The following ADGRD1 variants were observed in gnomAD, a reference collection of about 807,000 sequenced individuals.
The protein encoded by ADGRD1 is adhesion G protein-coupled receptor D1.
In ADGRD1, 77 loss-of-function variants were observed where a neutral mutation model predicts 113.4. The ratio of observed to expected loss-of-function variants is 0.68; its 90% CI spans 0.57 to 0.82. The LOEUF (loss-of-function observed/expected upper bound fraction) is 0.82, where lower values mean the gene tolerates loss of function less well. ADGRD1 is among the 40% of genes least tolerant of loss of function. The pLI is 0.00. For synonymous variants in ADGRD1, 474 were observed against 475.0 expected, an observed-to-expected ratio of 1.00 and a Z score of 0.03; for missense variants, 1,036 against 1,139.1, an observed-to-expected ratio of 0.91 and a Z score of 1.30.
At chr12:131,123,932 C>T (rs576870445) in intron 20 of ADGRD1, among the ~76,000 whole-genome samples, 1 of 152,310 alleles carries the variant, frequency 6.6e-6, no homozygotes, top group East Asian at 1.9e-4. Flanking sequence ...CACACAGCCA[C>T]GTCCATTGAT....
At chr12:131,025,455 G>A (rs1043110684) in intron 13 of ADGRD1, 3 of 152,164 alleles carry the variant, frequency 2.0e-5, no homozygotes, top group Admixed American at 6.5e-5. Flanking sequence ...CCCCCACATC[G>A]TTGTCAGGGA....
At chr12:131,005,946 C>A (rs377314715) in intron 11 of ADGRD1, 26 bp from the exon 12 acceptor site, 1 of 1,594,536 alleles carries the variant, frequency 6.3e-7, no homozygotes, top group Non-Finnish European at 8.6e-7. Context: ...GCGCTGACAG[C>A]GCCTGCCCCT....
intron 13 of ADGRD1, chr12:131,070,529 G>A (rs1387184338): frequency 5.1e-6 from 1 of 197,662 alleles, no homozygotes; most frequent in Non-Finnish European, 1.1e-5. Context: ...GGAGCCCCTG[G>A]GGCTTCTGTA....
rs1364696672 is a variant in ADGRD1 at position 131,113,993 on chromosome 12, G to A, written c.2042-4392G>A. Among the ~76,000 whole-genome samples, 1 of 152,008 alleles carries A rather than the reference G, an allele frequency of 6.6e-6. No homozygotes were observed. Among genetic ancestry groups the A allele is most frequent in the Non-Finnish European group, 1.5e-5 (1 of 68,020 alleles). On this transcript the variant is annotated intron_variant, in intron 18 of 24. Transcript: ENST00000261654. This position sits in a 1 kb window ranked among gnomAD's most constrained non-coding sequence, Gnocchi z 4.9. ...TAGAGGCATACGTGCATGTGTGCACGCACACACACGCACACACACTCACAC... is the reference window on the plus strand; with the variant it reads ...TAGAGGCATACGTGCATGTGTGCACACACACACACGCACACACACTCACAC...
chr12:131,121,077 G>A (rs144894387), intron 20 of ADGRD1, among the ~76,000 whole-genome samples, 164 bp downstream of exon 20: 17 of 152,190 alleles, frequency 1.1e-4, no homozygotes, highest in African/African-American at 3.9e-4. Context: ...AGTGACTGAG[G>A]GTCTTATTTC....
intron 9 of ADGRD1, among the ~76,000 whole-genome samples, chr12:131,001,509 A>G (rs1338577350): frequency 6.6e-6 from 1 of 152,206 alleles, no homozygotes; most frequent in Non-Finnish European, 1.5e-5. Flanking sequence ...TAATTATGTC[A>G]ATAACACTTT....
At chr12:131,067,143 C>T (rs768245170) in intron 13 of ADGRD1, among the ~76,000 whole-genome samples, 1 of 152,110 alleles carries the variant, frequency 6.6e-6, no homozygotes, top group Non-Finnish European at 1.5e-5. Flanking sequence ...AGAGTGGCCA[C>T]TAACTGACAA....
intron 20 of ADGRD1, among the ~76,000 whole-genome samples, chr12:131,131,287 C>T (rs60024901): frequency 0.045 from 6,849 of 152,230 alleles, 482 homozygotes; most frequent in African/African-American, 0.16. Context: ...TGGGCCGGGG[C>T]GGGAGATGAG....
At chr12:131,074,962 GC>G (rs1259503210) in intron 13 of ADGRD1, among the ~76,000 whole-genome samples, 1 of 152,170 alleles carries the variant, frequency 6.6e-6, no homozygotes, top group Admixed American at 6.5e-5. Flanking sequence ...ACTTCCAGAG[GC>G]CACAGCAGCC....
chr12:131,005,026 G>T (rs544117463), intron 11 of ADGRD1, among the ~76,000 whole-genome samples: 1 of 152,150 alleles, frequency 6.6e-6, no homozygotes, highest in Non-Finnish European at 1.5e-5. Context: ...CAGAGGCCAC[G>T]CCCCCTTCCC....
At chr12:131,100,430 G>A (rs1950042826) in intron 15 of ADGRD1, among the ~76,000 whole-genome samples, 1 of 151,758 alleles carries the variant, frequency 6.6e-6, no homozygotes, top group Non-Finnish European at 1.5e-5. Flanking sequence ...GTTGATGGTG[G>A]AGTTGGTTGA....
Position 131,137,023 on chromosome 12 carries a change from G to T in ADGRD1, c.2436+9G>T. On this transcript the variant is annotated intron_variant, in intron 23 of 24. Transcript: ENST00000261654. The stretch of plus-strand genomic sequence containing the variant: ...GTCTCCTGAATTCAGAGGTACGTCC[G>T]CTCTGCTTGCTGGCAGGTGCAGGTG... 1 of 1,608,202 alleles carries T rather than the reference G, an allele frequency of 6.2e-7. No individual in the cohort carries two copies. Among genetic ancestry groups the T allele is most frequent in the Non-Finnish European group, 8.5e-7 (1 of 1,174,660 alleles).
chr12:131,129,311 T>C (rs1950842567), intron 20 of ADGRD1, among the ~76,000 whole-genome samples: 1 of 141,776 alleles, frequency 7.1e-6, no homozygotes, highest in Non-Finnish European at 1.5e-5. Context: ...CCCGCCCTGC[T>C]GTCTGGGTGT....
At chr12:131,039,244 C>T (rs1331936058) in intron 13 of ADGRD1, among the ~76,000 whole-genome samples, 1 of 151,964 alleles carries the variant, frequency 6.6e-6, no homozygotes, top group Non-Finnish European at 1.5e-5. Flanking sequence ...AGCCACTGCC[C>T]GCTGAGCCGG....
intron 2 of ADGRD1, among the ~76,000 whole-genome samples, chr12:130,964,495 G>A (rs1005992475): frequency 6.6e-6 from 1 of 152,088 alleles, no homozygotes; most frequent in Non-Finnish European, 1.5e-5. Context: ...AGACTAGCCC[G>A]GCCAACATGG....
rs138229081 is a variant in ADGRD1 at position 131,005,783 on chromosome 12, G to T, written c.1256-189G>T. 3.3e-5 allele frequency among the ~76,000 whole-genome samples: 5 copies of T among 151,602 alleles called. No individual in the cohort carries two copies. The East Asian group carries it at 9.6e-4, about 29-fold the overall frequency. On this transcript the variant is annotated intron_variant, in intron 11 of 24. Transcript: ENST00000261654. ...TCAGGGGATGGAGCAGGGATCCACC[G>T]TCACGCTGCTGAGTTGCTGCAGAGT...
rs948828312 is a variant in ADGRD1 at position 131,139,463 on chromosome 12, C to T, written c.*200C>T. 17 of 562,396 alleles carry T rather than the reference C, an allele frequency of 3.0e-5. No individual in the cohort carries two copies. Among genetic ancestry groups the T allele is most frequent in the African/African-American group, 1.1e-4 (6 of 53,078 alleles). The allele number at this position is 562,396 out of a possible 1,614,324, so 34.8% of individuals were successfully genotyped here. A position where few individuals can be genotyped will look rare whatever the true frequency, so the allele number is the denominator to read the frequency against. On this transcript the variant is annotated 3_prime_UTR_variant, in exon 25 of 25. Transcript: ENST00000261654. ...CCCAGCAGCCTGATGCCCAGGCCAGCGTGGGCCCTCCTGCCTTGCATCCAC... is the reference window on the plus strand; with the variant it reads ...CCCAGCAGCCTGATGCCCAGGCCAGTGTGGGCCCTCCTGCCTTGCATCCAC...
At chr12:131,046,527 TC>T (rs1882815802) in intron 13 of ADGRD1, among the ~76,000 whole-genome samples, 148 of 77,306 alleles carry the variant, frequency 1.9e-3, no homozygotes, top group African/African-American at 7.0e-3. Flanking sequence ...TGGTCAATGC[TC>T]CCTCCCTGAT....
chr12:131,100,192 A>G (rs1179676420), intron 15 of ADGRD1, among the ~76,000 whole-genome samples: 1 of 152,032 alleles, frequency 6.6e-6, no homozygotes, highest in East Asian at 1.9e-4. Flanking sequence ...AGGTGAGTTT[A>G]TGATGAGTTT....
Sources: allele counts gnomAD v4.1 joint callset (sites outside exome capture counted in the v4.1 genomes callset), GRCh38; gene constraint gnomAD v4.1.1; non-coding constraint Gnocchi (gnomAD v3.1); transcripts MANE v1.5; gene names NCBI Gene and HGNC (gene_info 2026-07-23, HGNC 2026-07-21).